Variants in TULP4 observed in about 807,000 individuals in gnomAD.
The protein encoded by TULP4 is tubby-related protein 4.
Under a neutral mutation model 129.0 loss-of-function variants are expected in TULP4, and 16 were observed. The observed-to-expected ratio is 0.12, with a 90% CI of 0.08 to 0.19. TULP4 has a LOEUF of 0.19. Ranked by LOEUF, TULP4 falls within the 10% of genes least tolerant of loss-of-function variation. TULP4 has a pLI of 1.00. For missense variants in TULP4, 1,842 were observed against 2,059.1 expected (o/e 0.89, Z 2.04); for synonymous variants, 998 against 854.0 (o/e 1.17, Z -2.94).
At chr6:158,236,060 C>G (rs747061291) in intron 1 of TULP4, among the ~76,000 whole-genome samples, 11 of 152,098 alleles carry the variant, frequency 7.2e-5, no homozygotes, top group Admixed American at 1.3e-4. Context: ...GTTTTTATTT[C>G]CCAGCTAATG....
upstream of TULP4, among the ~76,000 whole-genome samples, chr6:158,280,930 A>T (rs183313758): frequency 2.3e-3 from 355 of 152,314 alleles, no homozygotes; most frequent in Non-Finnish European, 3.9e-3. Flanking sequence ...CTTTATTTTT[A>T]AAAAATATTT....
intron 1 of TULP4, among the ~76,000 whole-genome samples, chr6:158,244,417 C>T (rs1331280023): frequency 6.6e-6 from 1 of 152,166 alleles, no homozygotes; most frequent in African/African-American, 2.4e-5. Context: ...AGTCCCCCTA[C>T]CCCCGTTCAT....
intron 3 of TULP4, among the ~76,000 whole-genome samples, chr6:158,439,804 T>C (rs549975182): frequency 1.5e-5 from 2 of 137,066 alleles, no homozygotes; most frequent in Admixed American, 8.1e-5. Context: ...CTCCGCCTCC[T>C]GGGTTCATGC....
upstream of TULP4, among the ~76,000 whole-genome samples, chr6:158,281,138 A>G (rs1778742727): frequency 6.6e-6 from 1 of 151,740 alleles, no homozygotes; most frequent in South Asian, 2.1e-4. Flanking sequence ...AGAACATCTC[A>G]TTTGTTTCCA....
At chr6:158,295,595 T>TA (rs1244397245) in intron 1 of TULP4, among the ~76,000 whole-genome samples, 3 of 151,930 alleles carry the variant, frequency 2.0e-5, no homozygotes, top group Non-Finnish European at 4.4e-5. Flanking sequence ...GGTAAAGAAA[T>TA]ATGGCCAGCA....
chr6:158,292,336 A>C (rs1778957504), intron 1 of TULP4, among the ~76,000 whole-genome samples: 1 of 152,180 alleles, frequency 6.6e-6, no homozygotes. Context: ...GTAAACTGTG[A>C]CTATTGGTCA....
chr6:158,381,805 A>T (rs1252717957), intron 1 of TULP4, among the ~76,000 whole-genome samples: 1 of 152,252 alleles, frequency 6.6e-6, no homozygotes, highest in Admixed American at 6.5e-5. Flanking sequence ...TTATGAATAC[A>T]TAGCTTCTCT....
chr6:158,474,454 T>A (rs1779765736), intron 6 of TULP4, among the ~76,000 whole-genome samples: 1 of 151,764 alleles, frequency 6.6e-6, no homozygotes, highest in Admixed American at 6.6e-5. Context: ...AACTCACTGC[T>A]ATATACAAAA....
intron 1 of TULP4, among the ~76,000 whole-genome samples, chr6:158,406,270 A>G (rs1262158781): frequency 6.6e-6 from 1 of 152,170 alleles, no homozygotes; most frequent in Non-Finnish European, 1.5e-5. Context: ...TGTGAGCCAG[A>G]GCACTAAACA....
At chr6:158,309,241 A>C (rs1583727939), upstream of TULP4, among the ~76,000 whole-genome samples, 1 of 107,866 alleles carries the variant, frequency 9.3e-6, no homozygotes, top group African/African-American at 3.5e-5. Flanking sequence ...GACGCTCCTC[A>C]CCTCCCAGAC....
chr6:158,508,808 G>A lies in TULP4; in HGVS notation c.*2114G>A, dbSNP rs916114338. 5 of 144,620 alleles carry A rather than the reference G, an allele frequency of 3.5e-5. No individual in the cohort carries two copies. The highest frequency in any genetic ancestry group is 5.0e-5 in the African/African-American group (2 of 39,668). 9.0% of individuals were successfully genotyped at this position (144,620 alleles called of 1,614,324 possible). A position where few individuals can be genotyped will look rare whatever the true frequency, so the allele number is the denominator to read the frequency against. On this transcript the variant is annotated 3_prime_UTR_variant, in exon 14 of 14. Transcript: ENST00000367097. ...CCCATTTTATTTATTTAGAAAAATA[G>A]TATCTTTGTTAACGACTTACATGGT...
intron 6 of TULP4, among the ~76,000 whole-genome samples, chr6:158,465,888 T>A (rs1211304224): frequency 1.3e-5 from 2 of 152,224 alleles, no homozygotes; most frequent in Middle Eastern, 3.2e-3. Flanking sequence ...CTACAGTTAG[T>A]TAAAGCAACA....
intron 1 of TULP4, among the ~76,000 whole-genome samples, chr6:158,332,168 T>C (rs1300024398): frequency 7.5e-4 from 15 of 19,950 alleles, no homozygotes; most frequent in Admixed American, 2.4e-3. Flanking sequence ...TAAGACTCTG[T>C]CAAAAAAAAA....
intron 1 of TULP4, among the ~76,000 whole-genome samples, chr6:158,377,720 G>A (rs1276934431): frequency 6.6e-6 from 1 of 152,126 alleles, no homozygotes; most frequent in Non-Finnish European, 1.5e-5. Context: ...TTTATTGAGG[G>A]TCTACCACGT....
intron 1 of TULP4, among the ~76,000 whole-genome samples, chr6:158,271,970 G>C (rs542580118): frequency 6.6e-6 from 1 of 152,292 alleles, no homozygotes; most frequent in African/African-American, 2.4e-5. Context: ...GGGTTTAAAA[G>C]TATTTGCGGA....
At chr6:158,404,656 A>G (rs932950285) in intron 1 of TULP4, among the ~76,000 whole-genome samples, 1 of 151,832 alleles carries the variant, frequency 6.6e-6, no homozygotes, top group Non-Finnish European at 1.5e-5. Flanking sequence ...CACGCCTGTA[A>G]TCCCAGCTAC....
intron 2 of TULP4, among the ~76,000 whole-genome samples, chr6:158,425,697 A>G (rs2795843): frequency 0.97 from 147,848 of 151,736 alleles, 72,071 homozygotes; most frequent in East Asian, 1. Context: ...TCCACCTCCC[A>G]GGTTCAAGCG....
chr6:158,269,570 T>G (rs1057309314), intron 1 of TULP4, among the ~76,000 whole-genome samples: 10 of 152,106 alleles, frequency 6.6e-5, no homozygotes, highest in African/African-American at 2.4e-4. Context: ...AATTTTAACC[T>G]TTTTTTCTCC....
intron 1 of TULP4, among the ~76,000 whole-genome samples, chr6:158,371,147 T>C (rs942550228): frequency 2.0e-5 from 3 of 152,188 alleles, no homozygotes; most frequent in African/African-American, 7.2e-5. Context: ...ACAGAGACAC[T>C]TTAGATAGCA....
Sources: gnomAD v4.1 joint callset for allele counts (sites outside exome capture counted in the v4.1 genomes callset) on GRCh38, gnomAD v4.1.1 for gene constraint, MANE v1.5 for transcripts, NCBI Gene and HGNC (gene_info 2026-07-23, HGNC 2026-07-21) for gene names.